Variants in ACCSL observed in about 807,000 individuals in gnomAD.
ACCSL encodes probable inactive 1-aminocyclopropane-1-carboxylate synthase-like protein 2.
A neutral mutation model predicts 61.7 loss-of-function variants in ACCSL; 55 were observed. That is an observed-to-expected ratio of 0.89 (90% CI 0.72 to 1.12). The LOEUF is 1.12. Among genes scored for constraint, ACCSL ranks in the 50% most tolerant of loss-of-function variants. ACCSL has a pLI of 0.00. For synonymous variants in ACCSL, 258 were observed against 264.3 expected, an observed-to-expected ratio of 0.98 and a Z score of 0.23; for missense variants, 632 against 698.0, an observed-to-expected ratio of 0.91 and a Z score of 1.07.
the ACCSL span, among the ~76,000 whole-genome samples, chr11:43,975,680 AC>A: frequency 0.013 from 1,915 of 152,322 alleles, 42 homozygotes; most frequent in African/African-American, 0.044. Context: ...ATCAGCAAAA[AC>A]ATCACTACCT....
the ACCSL span, among the ~76,000 whole-genome samples, chr11:43,985,793 G>A: frequency 0.47 from 71,248 of 151,864 alleles, 16,826 homozygotes; most frequent in Admixed American, 0.49. Context: ...AGTGGCTCAC[G>A]CCTGTACTTT....
At chr11:43,959,830 C>T in the ACCSL span, among the ~76,000 whole-genome samples, 2 of 152,094 alleles carry the variant, frequency 1.3e-5, no homozygotes, top group Non-Finnish European at 2.9e-5. Flanking sequence ...GACCACAGCA[C>T]CCCCACCCCA....
the ACCSL span, among the ~76,000 whole-genome samples, chr11:44,034,370 G>A: frequency 1.4e-4 from 22 of 152,296 alleles, no homozygotes; most frequent in South Asian, 2.3e-3. Flanking sequence ...AGGAAACCCC[G>A]ATGAAGACCT....
In ACCSL at chr11:44,051,690, C is replaced by T; in HGVS notation, c.743C>T (p.Ala248Val). 1 of 1,614,160 alleles carries T rather than the reference C, an allele frequency of 6.2e-7. No individual in the cohort carries two copies. Among genetic ancestry groups the T allele is most frequent in the Non-Finnish European group, 8.5e-7 (1 of 1,180,044 alleles). ...AATGGCTGCTGCTCTGTCTTCTGTG[C>T]CCTGGCCATGGTTCTGTGTGATCCA... ...VLNGCCSVFC[A>V]LAMVLCDPGE... The change falls in exon 5 of 14, where the codon GCC becomes GTC. Residue 248 changes from alanine (A) to valine (V), a missense_variant. Ala to Val is a moderately conservative substitution (Grantham distance 64). Coordinates refer to ENST00000378832, the MANE Select transcript of ACCSL (RefSeq NM_001031854.2).
the ACCSL span, among the ~76,000 whole-genome samples, chr11:43,990,730 G>A: frequency 4.6e-5 from 7 of 152,112 alleles, no homozygotes; most frequent in Non-Finnish European, 1.5e-5. Context: ...GCCGCTCCTG[G>A]TGCACTGCAG....
chr11:43,946,849 T>C, the ACCSL span, among the ~76,000 whole-genome samples: 2 of 151,796 alleles, frequency 1.3e-5, no homozygotes, highest in East Asian at 3.9e-4. Context: ...GATGCTGCAG[T>C]ATTAGAGGGA....
At chr11:43,962,956 T>G in the ACCSL span, among the ~76,000 whole-genome samples, 1 of 152,274 alleles carries the variant, frequency 6.6e-6, no homozygotes. Flanking sequence ...CCTGCTCCGG[T>G]TTTGCCCAGG....
chr11:44,021,526 T>C, the ACCSL span, among the ~76,000 whole-genome samples: 1 of 152,230 alleles, frequency 6.6e-6, no homozygotes, highest in East Asian at 1.9e-4. Flanking sequence ...TAGTTCCTTG[T>C]TGGATGTATA....
the ACCSL span, among the ~76,000 whole-genome samples, chr11:44,000,268 GC>G: frequency 6.6e-6 from 1 of 152,116 alleles, no homozygotes; most frequent in African/African-American, 2.4e-5. Flanking sequence ...GGGATTACAG[GC>G]ATGCACCACC....
chr11:44,040,751 GAT>G, the ACCSL span, among the ~76,000 whole-genome samples: 1 of 152,126 alleles, frequency 6.6e-6, no homozygotes, highest in African/African-American at 2.4e-5. Context: ...TGGACCCGGT[GAT>G]GCCTAGGGCT....
the ACCSL span, among the ~76,000 whole-genome samples, chr11:43,924,826 C>G: frequency 1.3e-5 from 2 of 152,234 alleles, no homozygotes; most frequent in African/African-American, 4.8e-5. Context: ...GCAATCAGGG[C>G]TCCTGCAGGC....
At chr11:43,993,585 TC>T in the ACCSL span, among the ~76,000 whole-genome samples, 2 of 152,104 alleles carry the variant, frequency 1.3e-5, no homozygotes, top group African/African-American at 4.8e-5. Flanking sequence ...GAAAGCCTTT[TC>T]CCCAACACTT....
the ACCSL span, among the ~76,000 whole-genome samples, chr11:43,970,280 C>T: frequency 3.2e-4 from 49 of 152,156 alleles, 1 homozygote; most frequent in African/African-American, 1.1e-3. Context: ...ATCAGAGCTC[C>T]CTGCAGCCTC....
the ACCSL span, among the ~76,000 whole-genome samples, chr11:43,988,170 A>T: frequency 6.6e-6 from 1 of 152,148 alleles, no homozygotes; most frequent in African/African-American, 2.4e-5. Flanking sequence ...AAACTAATTC[A>T]TACTAGGGTG....
chr11:43,950,682 C>G, the ACCSL span, among the ~76,000 whole-genome samples: 1 of 152,234 alleles, frequency 6.6e-6, no homozygotes, highest in Admixed American at 6.5e-5. Context: ...GCGGGATGAT[C>G]AAGCCCACAA....
At chr11:43,979,792 G>A in the ACCSL span, among the ~76,000 whole-genome samples, 3 of 150,382 alleles carry the variant, frequency 2.0e-5, no homozygotes, top group Non-Finnish European at 4.4e-5. Flanking sequence ...GGTTGCAGTG[G>A]GCTGAGATTG....
At chr11:43,943,471 C>T in the ACCSL span, 1 of 1,408,154 alleles carries the variant, frequency 7.1e-7, no homozygotes, top group African/African-American at 1.5e-5. The surrounding 1 kb of genome is among the most constrained non-coding windows in gnomAD (Gnocchi z 4.8). Flanking sequence ...CCGGGAGCGC[C>T]GGGAGCGGGG....
chr11:43,941,434 G>A, the ACCSL span, among the ~76,000 whole-genome samples: 6 of 152,212 alleles, frequency 3.9e-5, no homozygotes, highest in East Asian at 1.9e-4. Context: ...CGGAAAGGAC[G>A]GAGGCCAAAT....
the ACCSL span, among the ~76,000 whole-genome samples, chr11:43,960,818 T>G: frequency 1.3e-5 from 2 of 151,910 alleles, no homozygotes; most frequent in African/African-American, 4.9e-5. Context: ...TGTGTGTTTG[T>G]TTTTTGTTTT....
Sources: gnomAD v4.1 joint callset for allele counts (sites outside exome capture counted in the v4.1 genomes callset) on GRCh38, gnomAD v4.1.1 for gene constraint, Gnocchi (gnomAD v3.1) non-coding constraint, MANE v1.5 for transcripts, NCBI Gene and HGNC (gene_info 2026-07-23, HGNC 2026-07-21) for gene names.